Variants in RHOF observed in about 807,000 individuals in gnomAD.
RHOF encodes the protein rho-related GTP-binding protein RhoF.
A neutral mutation model predicts 22.2 loss-of-function variants in RHOF; 21 were observed. The observed-to-expected ratio is 0.95, with a 90% CI of 0.67 to 1.36. RHOF has a LOEUF of 1.36. Ranked by LOEUF, RHOF falls within the 40% of genes most tolerant of loss-of-function variation. The probability of loss-of-function intolerance (pLI) is 0.00; values close to 1 mark genes in which losing one functional copy is unlikely to be tolerated. For synonymous variants in RHOF, 135 were observed against 131.2 expected, an observed-to-expected ratio of 1.03 and a Z score of -0.20; for missense variants, 285 against 293.7, an observed-to-expected ratio of 0.97 and a Z score of 0.22.
Position 121,779,669 on chromosome 12 carries a change from G to C in RHOF, c.472-7C>G, listed in dbSNP as rs200553022. The C allele has an allele frequency of 3.6e-5, 58 of 1,612,936 alleles. No homozygotes were observed. Among genetic ancestry groups the C allele is most frequent in the African/African-American group, 1.3e-4 (10 of 74,934 alleles). ...GTTCGCAGGCGCTCAGGCCCTGGGT[G>C]GGGGGAGGAGCCAGCATTAGGTGAG... On this transcript the variant is annotated splice_region_variant and splice_polypyrimidine_tract_variant and intron_variant, in intron 4 of 4. Coordinates refer to ENST00000267205, the MANE Select transcript of RHOF (RefSeq NM_019034.3).
chr12:121,787,866 G>A (rs896140825), intron 2 of RHOF, among the ~76,000 whole-genome samples: 49 of 133,256 alleles, frequency 3.7e-4, no homozygotes, highest in African/African-American at 1.3e-3. Context: ...ACTCCAGCCT[G>A]GGCAACAGAG....
intron 2 of RHOF, among the ~76,000 whole-genome samples, chr12:121,791,941 A>G (rs1874775430): frequency 6.6e-6 from 1 of 152,116 alleles, no homozygotes; most frequent in South Asian, 2.1e-4. Flanking sequence ...GACTTTTACT[A>G]CCCCCGGGCC....
chr12:121,793,145 C>A lies in RHOF; in HGVS notation c.226+7G>T. ...CCTCGGGCCCCCCGGCGCGCAGGCG[C>A]ACTCACCGGCCGTGTCGTAGAGGTT... On this transcript the variant is annotated splice_region_variant and intron_variant, in intron 2 of 4. Transcript: ENST00000267205. 6.5e-7 allele frequency: 1 copy of A among 1,549,154 alleles called. No homozygotes were observed. The highest frequency in any genetic ancestry group is 8.7e-7 in the Non-Finnish European group (1 of 1,146,420).
chr12:121,792,897 G>T (rs904756586), intron 2 of RHOF, among the ~76,000 whole-genome samples: 4 of 152,238 alleles, frequency 2.6e-5, no homozygotes, highest in Admixed American at 2.0e-4. Flanking sequence ...GGAGAGGAAC[G>T]AGCTGTGGGC....
chr12:121,789,699 G>C (rs1248765529), intron 2 of RHOF, among the ~76,000 whole-genome samples: 1 of 152,148 alleles, frequency 6.6e-6, no homozygotes, highest in African/African-American at 2.4e-5. Context: ...CCACCTTCTG[G>C]GTGACCCCAG....
intron 2 of RHOF, 40 bp downstream of exon 2, chr12:121,793,112 G>A (rs1592960528): frequency 1.3e-5 from 20 of 1,515,752 alleles, no homozygotes; most frequent in African/African-American, 1.1e-4. Context: ...CCCTTCGGGC[G>A]GGCGGACCCT....
At chr12:121,784,544 C>CAA (rs1184197669) in intron 2 of RHOF, among the ~76,000 whole-genome samples, 8 of 71,610 alleles carry the variant, frequency 1.1e-4, no homozygotes, top group South Asian at 4.1e-4. Flanking sequence ...GACGTCGTCT[C>CAA]AAAAAAAAAA....
intron 2 of RHOF, among the ~76,000 whole-genome samples, chr12:121,788,607 C>T (rs542749523): frequency 6.6e-5 from 10 of 152,208 alleles, no homozygotes; most frequent in African/African-American, 2.4e-4. Context: ...TCCATTCACT[C>T]ATGCACATTC....
At chr12:121,788,826 G>A (rs1276354790) in intron 2 of RHOF, among the ~76,000 whole-genome samples, 2 of 152,140 alleles carry the variant, frequency 1.3e-5, no homozygotes, top group Non-Finnish European at 2.9e-5. Flanking sequence ...GTGCCGGGAG[G>A]CAGGAGGACT....
intron 4 of RHOF, chr12:121,780,219 G>A (rs976294061): frequency 3.2e-5 from 5 of 156,220 alleles, no homozygotes; most frequent in Middle Eastern, 9.3e-4. Flanking sequence ...CACCATGCCC[G>A]GCTAATGTTG....
intron 2 of RHOF, among the ~76,000 whole-genome samples, chr12:121,789,343 C>T (rs749002308): frequency 2.0e-5 from 3 of 152,128 alleles, no homozygotes; most frequent in Non-Finnish European, 4.4e-5. Flanking sequence ...ATCGTCCTGA[C>T]GTGCACTCAG....
chr12:121,778,060 C>T lies in RHOF; in HGVS notation c.*1438G>A, dbSNP rs959268627. 1 of 152,176 alleles carries T rather than the reference C, an allele frequency of 6.6e-6. No homozygotes were observed. 9.4% of individuals were successfully genotyped at this position (152,176 alleles called of 1,614,324 possible). ...GGGGAAGGCTAGGAGTTGCCTGAAG[C>T]CATTATCCCATCTTAGGCGACACCG... is the stretch of plus-strand genomic sequence containing the variant. On this transcript the variant is annotated 3_prime_UTR_variant, in exon 5 of 5. Coordinates refer to ENST00000267205, the MANE Select transcript of RHOF (RefSeq NM_019034.3).
intron 2 of RHOF, among the ~76,000 whole-genome samples, chr12:121,787,972 A>C (rs1435420987): frequency 6.8e-6 from 1 of 147,166 alleles, no homozygotes; most frequent in Non-Finnish European, 1.5e-5. Flanking sequence ...ATCATAGCTC[A>C]CTCCAGCCTC....
chr12:121,788,910 T>C (rs1311786870), intron 2 of RHOF, among the ~76,000 whole-genome samples: 1 of 151,996 alleles, frequency 6.6e-6, no homozygotes, highest in Non-Finnish European at 1.5e-5. Context: ...AACCCCAGAA[T>C]CTTTGGACCC....
chr12:121,787,565 A>T (rs189036188), intron 2 of RHOF, among the ~76,000 whole-genome samples: 274 of 152,322 alleles, frequency 1.8e-3, no homozygotes, highest in African/African-American at 6.2e-3. Flanking sequence ...GATGACAGTC[A>T]TAATAAAGAT....
intron 2 of RHOF, among the ~76,000 whole-genome samples, chr12:121,785,492 T>A (rs1055970459): frequency 4.7e-5 from 7 of 150,224 alleles, no homozygotes; most frequent in Non-Finnish European, 1.0e-4. Context: ...AGTGGCACGA[T>A]CTCAGCTCAC....
intron 2 of RHOF, among the ~76,000 whole-genome samples, chr12:121,787,383 A>G (rs1355067782): frequency 6.6e-6 from 1 of 152,168 alleles, no homozygotes; most frequent in African/African-American, 2.4e-5. Flanking sequence ...GTCAGAGACA[A>G]GCACCCTGTG....
rs35018748 is a variant in RHOF at position 121,787,890 on chromosome 12, CAA to C, written c.226+5260_226+5261del. On this transcript the variant is annotated intron_variant, in intron 2 of 4. Coordinates refer to ENST00000267205, the MANE Select transcript of RHOF (RefSeq NM_019034.3). ...TGGGCAACAGAGTGAGACTCTGCCTCAAAAAAAAAAAAAAAAAAAGGGGGGGG... is the reference window on the plus strand; with the variant it reads ...TGGGCAACAGAGTGAGACTCTGCCTCAAAAAAAAAAAAAAAAAGGGGGGGG... Among the ~76,000 whole-genome samples, 299 of 54,422 alleles carry C rather than the reference CAA, an allele frequency of 5.5e-3. 7 individuals are homozygous for C. Among genetic ancestry groups the C allele is most frequent in the African/African-American group, 0.017 (205 of 11,798 alleles). 35.7% of individuals were successfully genotyped at this position (54,422 alleles called of 152,430 possible).
chr12:121,793,029 G>A, intron 2 of RHOF, 123 bp downstream of exon 2: 1 of 827,844 alleles, frequency 1.2e-6, no homozygotes, highest in Non-Finnish European at 1.9e-6. Context: ...GCCTCCAGGA[G>A]TGAAGAGCCG....
Sources: allele counts gnomAD v4.1 joint callset (sites outside exome capture counted in the v4.1 genomes callset), GRCh38; gene constraint gnomAD v4.1.1; transcripts MANE v1.5; gene names NCBI Gene and HGNC (gene_info 2026-07-23, HGNC 2026-07-21).